The following EPM2A variants were observed in gnomAD, a reference collection of about 807,000 sequenced individuals.
EPM2A encodes EPM2A glucan phosphatase, laforin, also known as laforin.
EPM2A carries 21 observed loss-of-function variants against 26.5 expected under a neutral mutation model. The ratio of observed to expected loss-of-function variants is 0.79; its 90% confidence interval spans 0.56 to 1.14. The LOEUF is 1.14. EPM2A is among the 50% of genes most tolerant of loss of function. The pLI is 0.00. For synonymous variants in EPM2A, 217 were observed against 177.6 expected (o/e 1.22, Z -1.76); for missense variants, 458 against 440.8 (o/e 1.04, Z -0.35).
chr6:145,707,333 G>A (rs1782279349), intron 1 of EPM2A, among the ~76,000 whole-genome samples: 1 of 152,106 alleles, frequency 6.6e-6, no homozygotes, highest in African/African-American at 2.4e-5. Context: ...GGGAAGAGCA[G>A]GCAAAAGTAA....
At chr6:145,394,744 G>A (rs1019268275) in intron 4 of EPM2A, among the ~76,000 whole-genome samples, 8 of 152,006 alleles carry the variant, frequency 5.3e-5, no homozygotes, top group African/African-American at 1.7e-4. Flanking sequence ...GGTCTCTGTC[G>A]TGCCTTTTTC....
downstream of EPM2A, among the ~76,000 whole-genome samples, chr6:145,624,796 A>AT: frequency 6.6e-6 from 1 of 152,098 alleles, no homozygotes; most frequent in East Asian, 1.9e-4. Flanking sequence ...TCTTAACCAC[A>AT]TTTTTCATCA....
intron 4 of EPM2A, among the ~76,000 whole-genome samples, chr6:145,422,032 T>G (rs1436652379): frequency 6.9e-6 from 1 of 144,582 alleles, no homozygotes; most frequent in Non-Finnish European, 1.5e-5. Flanking sequence ...TTAAAAATAT[T>G]AGGTTAAATA....
chr6:145,501,723 T>A, exon 4 of EPM2A: 1 of 461,796 alleles, frequency 2.2e-6, no homozygotes, highest in Non-Finnish European at 4.5e-6. Context: ...TATGAAATTT[T>A]TCTTTCCTGT....
intron 2 of EPM2A, among the ~76,000 whole-genome samples, chr6:145,604,892 C>T (rs1434738287): frequency 6.6e-6 from 1 of 152,072 alleles, no homozygotes. Context: ...TTTCCAATTT[C>T]CCTTTTCAAA....
At chr6:145,663,492 G>T (rs1396944570) in intron 2 of EPM2A, among the ~76,000 whole-genome samples, 1 of 152,186 alleles carries the variant, frequency 6.6e-6, no homozygotes, top group East Asian at 1.9e-4. Context: ...CAAAGAAAGG[G>T]GTGAAAAGAA....
At chr6:145,404,170 C>T (rs918138426) in intron 4 of EPM2A, among the ~76,000 whole-genome samples, 4 of 151,992 alleles carry the variant, frequency 2.6e-5, no homozygotes, top group Admixed American at 2.0e-4. Flanking sequence ...TTATGAATCC[C>T]TTGTCAGATG....
intron 4 of EPM2A, among the ~76,000 whole-genome samples, chr6:145,433,742 T>C (rs1023973361): frequency 2.6e-5 from 4 of 152,156 alleles, no homozygotes; most frequent in African/African-American, 9.6e-5. Context: ...AATAAAACAA[T>C]ATTATTTGAA....
chr6:145,434,769 A>G (rs776136805), intron 4 of EPM2A, among the ~76,000 whole-genome samples: 2 of 152,058 alleles, frequency 1.3e-5, no homozygotes, highest in Admixed American at 6.5e-5. Context: ...CTAGCAGCCA[A>G]TTCTCCCCTT....
chr6:145,542,451 G>T (rs1282445266), intron 2 of EPM2A, among the ~76,000 whole-genome samples: 1 of 152,192 alleles, frequency 6.6e-6, no homozygotes, highest in African/African-American at 2.4e-5. Context: ...AAGATGTCCA[G>T]GAAAGGGGCA....
chr6:145,686,235 C>G lies in EPM2A; in HGVS notation c.363G>C (p.Val121=), dbSNP rs546283760. Reference sequence around the variant, plus strand: ...TCCAGTGTCCTATTGGGAGACAATACACACCATCCACCAAGTTGTTTTCAT... The same window carrying G: ...TCCAGTGTCCTATTGGGAGACAATAGACACCATCCACCAAGTTGTTTTCAT... ...TYNENNLVDG[V]YCLPIGHWIE... The change falls in exon 2 of 4, where the codon GTG becomes GTC. Residue 121 remains valine (V), a synonymous_variant. Transcript: ENST00000367519. 6.2e-7 allele frequency: 1 copy of G among 1,613,652 alleles called. No homozygotes were observed. The highest frequency in any genetic ancestry group is 8.5e-7 in the Non-Finnish European group (1 of 1,179,732).
At chr6:145,505,185 T>C (rs956943487) in intron 2 of EPM2A, among the ~76,000 whole-genome samples, 6 of 150,172 alleles carry the variant, frequency 4.0e-5, no homozygotes, top group African/African-American at 1.5e-4. Flanking sequence ...GCATGGCACA[T>C]GTATACATAT....
intron 2 of EPM2A, chr6:145,638,779 T>C (rs1288587444): frequency 6.6e-6 from 1 of 152,232 alleles, no homozygotes; most frequent in Non-Finnish European, 1.5e-5. Context: ...CAATGGATTC[T>C]GCTTAATCAG....
chr6:145,621,361 A>G (rs995034503), downstream of EPM2A, among the ~76,000 whole-genome samples: 4 of 152,204 alleles, frequency 2.6e-5, no homozygotes, highest in Non-Finnish European at 1.5e-5. Flanking sequence ...ATACTTAGTT[A>G]CCATACTTGA....
chr6:145,623,805 A>G (rs28715850), downstream of EPM2A, among the ~76,000 whole-genome samples: 1 of 152,186 alleles, frequency 6.6e-6, no homozygotes, highest in Non-Finnish European at 1.5e-5. Context: ...GGCTCTGACC[A>G]GGGTTGTTCA....
intron 2 of EPM2A, among the ~76,000 whole-genome samples, chr6:145,683,778 A>C (rs1780722943): frequency 6.6e-6 from 1 of 152,148 alleles, no homozygotes; most frequent in Non-Finnish European, 1.5e-5. Context: ...GCTGAGAAAG[A>C]TAGGATCTGC....
rs75497143 is a variant in EPM2A at position 145,421,946 on chromosome 6, A to G, written c.556-37849T>C. 3.0e-3 allele frequency among the ~76,000 whole-genome samples: 453 copies of G among 150,126 alleles called. 9 individuals carry two copies. In the East Asian group the frequency reaches 0.053, roughly 17 times the overall value. ...TAAAAAGCCACATAACCATACCTTC[A>G]AAGTATATAAAGTGAAAACTGATGG... On this transcript the variant is annotated intron_variant, in intron 4 of 4. Transcript: ENST00000638717.
chr6:145,617,327 T>G (rs956475873), intron 2 of EPM2A, among the ~76,000 whole-genome samples: 2 of 152,210 alleles, frequency 1.3e-5, no homozygotes. Flanking sequence ...CACATGGAAC[T>G]GTAAGTCCAT....
chr6:145,637,456 G>A (rs576126723), intron 2 of EPM2A: 92 of 151,592 alleles, frequency 6.1e-4, no homozygotes, highest in African/African-American at 2.1e-3. Context: ...TGCTTCCCCT[G>A]CAGGAGAAGA....
Sources: allele counts gnomAD v4.1 joint callset (sites outside exome capture counted in the v4.1 genomes callset), GRCh38; gene constraint gnomAD v4.1.1; transcripts MANE v1.5; gene names NCBI Gene and HGNC (gene_info 2026-07-23, HGNC 2026-07-21).